Variants in RBMS3 observed in about 807,000 individuals in gnomAD.
RBMS3 encodes the protein RNA binding motif single stranded interacting protein 3, also known as RNA-binding motif, single-stranded-interacting protein 3.
RBMS3 carries 27 observed loss-of-function variants against 66.8 expected under a neutral mutation model. That is an observed-to-expected ratio of 0.40 (90% CI 0.30 to 0.56). The LOEUF (loss-of-function observed/expected upper bound fraction) is 0.56, where lower values mean the gene tolerates loss of function less well. Among genes scored for constraint, RBMS3 ranks in the 20% least tolerant of loss-of-function variants. The probability of loss-of-function intolerance (pLI) is 0.40; values close to 1 mark genes in which losing one functional copy is unlikely to be tolerated. For missense variants in RBMS3, 513 were observed against 549.5 expected, an observed-to-expected ratio of 0.93 and a Z score of 0.66; for synonymous variants, 188 against 183.0, an observed-to-expected ratio of 1.03 and a Z score of -0.22.
At chr3:29,632,266 G>T (rs1400008997) in intron 4 of RBMS3, among the ~76,000 whole-genome samples, 1 of 151,554 alleles carries the variant, frequency 6.6e-6, no homozygotes, top group Non-Finnish European at 1.5e-5. Flanking sequence ...CCCAGTATGA[G>T]AAATAAAAAT....
chr3:29,491,952 C>T (rs111996376), intron 3 of RBMS3, among the ~76,000 whole-genome samples: 4,767 of 151,842 alleles, frequency 0.031, 108 homozygotes, highest in African/African-American at 0.052. Context: ...GAGATCGTGC[C>T]ACTGCACTCC....
chr3:29,687,423 A>T (rs1252862601), intron 4 of RBMS3, among the ~76,000 whole-genome samples: 1 of 152,344 alleles, frequency 6.6e-6, no homozygotes, highest in East Asian at 1.9e-4. Context: ...TGACAAGGTT[A>T]TCTAGGCAGT....
At chr3:29,427,645 T>C (rs1162283880) in intron 1 of RBMS3, among the ~76,000 whole-genome samples, 2 of 152,212 alleles carry the variant, frequency 1.3e-5, no homozygotes, top group Non-Finnish European at 2.9e-5. Flanking sequence ...GTAAAAGAGA[T>C]GGCATGTCAG....
At chr3:29,856,864 T>C (rs2149527598) in intron 6 of RBMS3, among the ~76,000 whole-genome samples, 1 of 152,366 alleles carries the variant, frequency 6.6e-6, no homozygotes, top group Non-Finnish European at 1.5e-5. Context: ...ACAAATGGTC[T>C]TTAACATCTC....
intron 4 of RBMS3, among the ~76,000 whole-genome samples, chr3:29,629,247 C>G (rs1011523015): frequency 6.6e-6 from 1 of 152,056 alleles, no homozygotes; most frequent in African/African-American, 2.4e-5. Context: ...GCTGAGAATC[C>G]AGAGCCAGAT....
In RBMS3 at chr3:29,816,188, C is replaced by T. The variant is rs560476206; in HGVS notation, c.638-52670C>T. Among the ~76,000 whole-genome samples the T allele has an allele frequency of 7.9e-5, 12 of 152,136 alleles. No homozygotes were observed. The East Asian group carries it at 2.3e-3, about 29-fold the overall frequency. On this transcript the variant is annotated intron_variant, in intron 6 of 14. Transcript: ENST00000383767. ...GGGCCTCTCAGTCTTTTACTGGACCCTCTTCTTTCCAGTTAACAGACAAAG... is the reference window on the plus strand; with the variant it reads ...GGGCCTCTCAGTCTTTTACTGGACCTTCTTCTTTCCAGTTAACAGACAAAG...
intron 6 of RBMS3, among the ~76,000 whole-genome samples, chr3:29,851,674 A>G (rs186274467): frequency 5.3e-5 from 8 of 152,278 alleles, no homozygotes; most frequent in African/African-American, 1.7e-4. Context: ...TTAAATTGCA[A>G]TTTACTTTCT....
chr3:29,647,944 A>G (rs1559535321), intron 4 of RBMS3, among the ~76,000 whole-genome samples: 1 of 152,222 alleles, frequency 6.6e-6, no homozygotes, highest in African/African-American at 2.4e-5. Flanking sequence ...AAAATCATAC[A>G]GAGGTGTTAC....
intron 2 of RBMS3, among the ~76,000 whole-genome samples, chr3:29,444,788 CTTTTTTTTTTTTTT>C (rs558839351): frequency 7.9e-5 from 4 of 50,500 alleles, no homozygotes; most frequent in Admixed American, 6.5e-4. Flanking sequence ...AAATATATGC[CTTTTTTTTTTTTTT>C]TTTTTTTTTT....
At chr3:29,987,927 G>A in intron 12 of RBMS3, 1 of 456,202 alleles carries the variant, frequency 2.2e-6, no homozygotes, top group Non-Finnish European at 4.0e-6. Context: ...AACTCATATT[G>A]ATAATTAAGA....
chr3:29,621,036 T>C (rs1235534281), intron 4 of RBMS3, among the ~76,000 whole-genome samples: 1 of 152,124 alleles, frequency 6.6e-6, no homozygotes, highest in Non-Finnish European at 1.5e-5. Flanking sequence ...CCTTAAGTCA[T>C]ACCTAGGAAA....
At chr3:29,773,511 G>A (rs1396963605) in intron 6 of RBMS3, among the ~76,000 whole-genome samples, 1 of 152,008 alleles carries the variant, frequency 6.6e-6, no homozygotes, top group Non-Finnish European at 1.5e-5. Flanking sequence ...TTGGACCAGA[G>A]GTTTATATCA....
chr3:29,726,586 G>A (rs2053887172), intron 4 of RBMS3, among the ~76,000 whole-genome samples: 2 of 151,962 alleles, frequency 1.3e-5, no homozygotes, highest in South Asian at 2.1e-4. Flanking sequence ...GATTCAAATC[G>A]TGAGGGAACT....
chr3:29,815,616 G>A (rs2057866092), intron 6 of RBMS3, among the ~76,000 whole-genome samples: 1 of 152,186 alleles, frequency 6.6e-6, no homozygotes. Flanking sequence ...AAAAAGGAAT[G>A]AAATAATGTC....
intron 4 of RBMS3, among the ~76,000 whole-genome samples, chr3:29,688,560 C>T (rs1169444056): frequency 2.5e-5 from 3 of 120,594 alleles, no homozygotes; most frequent in African/African-American, 9.5e-5. Context: ...ACAAAAGTTA[C>T]AGGATTTTTT....
At chr3:29,705,173 A>T (rs1245824973) in intron 4 of RBMS3, among the ~76,000 whole-genome samples, 1 of 152,226 alleles carries the variant, frequency 6.6e-6, no homozygotes, top group Non-Finnish European at 1.5e-5. Context: ...GCCACATTGC[A>T]GGGTAAGGAG....
At chr3:29,719,104 T>C (rs898154804) in intron 4 of RBMS3, among the ~76,000 whole-genome samples, 1 of 151,776 alleles carries the variant, frequency 6.6e-6, no homozygotes, top group South Asian at 2.1e-4. Context: ...AACGCAGATC[T>C]GATTTAGTAT....
chr3:29,808,874 T>G (rs926185833), intron 6 of RBMS3, among the ~76,000 whole-genome samples: 1 of 151,906 alleles, frequency 6.6e-6, no homozygotes, highest in African/African-American at 2.4e-5. Flanking sequence ...AATCCTGATA[T>G]TTTAATAAAG....
intron 4 of RBMS3, among the ~76,000 whole-genome samples, chr3:29,722,903 G>A (rs1203946836): frequency 2.0e-5 from 3 of 152,000 alleles, no homozygotes; most frequent in Non-Finnish European, 2.9e-5. Flanking sequence ...CCATGGAAAA[G>A]TTACAGTTTT....
Sources: gnomAD v4.1 joint callset for allele counts (sites outside exome capture counted in the v4.1 genomes callset) on GRCh38, gnomAD v4.1.1 for gene constraint, MANE v1.5 for transcripts, NCBI Gene and HGNC (gene_info 2026-07-23, HGNC 2026-07-21) for gene names.